TBX10: variants seen among roughly 807,000 people sequenced by gnomAD.
TBX10 encodes the protein T-box transcription factor TBX10.
In TBX10, 26 loss-of-function variants were observed where a neutral mutation model predicts 32.4. The observed-to-expected ratio is 0.80, with a 90% CI of 0.59 to 1.11. The LOEUF is 1.11. Ranked by LOEUF, TBX10 falls within the 50% of genes most tolerant of loss-of-function variation. The pLI is 0.00. For synonymous variants in TBX10, 195 were observed against 203.1 expected, an observed-to-expected ratio of 0.96 and a Z score of 0.34; for missense variants, 490 against 494.5, an observed-to-expected ratio of 0.99 and a Z score of 0.09.
chr11:67,638,664 C>A (rs758668097), intron 1 of TBX10, among the ~76,000 whole-genome samples: 4 of 152,190 alleles, frequency 2.6e-5, no homozygotes, highest in Non-Finnish European at 5.9e-5. Context: ...GCCACGTCCT[C>A]AGCAGCCCTG....
Position 67,639,496 on chromosome 11 carries a change from C to T in TBX10, c.-24G>A. The T allele has an allele frequency of 6.2e-7, 1 of 1,609,792 alleles. No individual in the cohort carries two copies. The highest frequency in any genetic ancestry group is 8.5e-7 in the Non-Finnish European group (1 of 1,177,904). On this transcript the variant is annotated 5_prime_UTR_variant, in exon 1 of 8. Transcript: ENST00000335385. Reference sequence around the variant, plus strand: ...ATGGAGACAGAGAGGCTGTCCGGCTCCTGGAGAAACACTGCTTGGCTGGGG... The same window carrying T: ...ATGGAGACAGAGAGGCTGTCCGGCTTCTGGAGAAACACTGCTTGGCTGGGG...
rs372763899 is a variant in TBX10 at position 67,634,298 on chromosome 11, C to T, written c.440G>A (p.Arg147His). The T allele has an allele frequency of 1.5e-5, 24 of 1,610,992 alleles. No individual in the cohort carries two copies. The highest frequency in any genetic ancestry group is 1.3e-4 in the African/African-American group (10 of 74,942). The change falls in exon 4 of 8, where the codon CGC becomes CAC. Residue 147 changes from arginine (R) to histidine (H), a missense_variant. Coordinates refer to ENST00000335385, the MANE Select transcript of TBX10 (RefSeq NM_005995.5). ...TGGCGAGTCGGGGTGGAAGTGCACG[C>T]GGCCAGGTGTGGCTGGGTCTGCCTT... ...AGKADPATPG[R>H]VHFHPDSPAK...
At chr11:67,640,000 G>A (rs1855383079), upstream of TBX10, among the ~76,000 whole-genome samples, 1 of 152,192 alleles carries the variant, frequency 6.6e-6, no homozygotes, top group Admixed American at 6.5e-5. Flanking sequence ...CTGGGGCCCC[G>A]GGGGTTGGGA....
chr11:67,632,257 T>A, intron 7 of TBX10, 61 bp downstream of exon 7: 1 of 1,593,668 alleles, frequency 6.3e-7, no homozygotes, highest in Non-Finnish European at 8.6e-7. Context: ...GTCCTGTCCC[T>A]TTGCCTTCCG....
intron 3 of TBX10, 110 bp from the exon 4 acceptor site, chr11:67,634,470 G>C: frequency 2.2e-6 from 3 of 1,340,104 alleles, no homozygotes; most frequent in Non-Finnish European, 3.1e-6. Flanking sequence ...ACCCCACCTG[G>C]TGGGCACCTT....
At chr11:67,638,867 C>T (rs1193058721) in intron 1 of TBX10, among the ~76,000 whole-genome samples, 6 of 152,252 alleles carry the variant, frequency 3.9e-5, no homozygotes, top group East Asian at 3.9e-4. Flanking sequence ...GGGGCGGGTA[C>T]GTCATCCAGG....
chr11:67,640,024 C>A (rs146434435), upstream of TBX10, among the ~76,000 whole-genome samples: 434 of 152,276 alleles, frequency 2.9e-3, 2 homozygotes, highest in African/African-American at 9.2e-3. Flanking sequence ...ACAGTGGGAG[C>A]AGCAGATTGC....
chr11:67,636,757 C>G (rs1352534022), intron 1 of TBX10, among the ~76,000 whole-genome samples: 1 of 151,768 alleles, frequency 6.6e-6, no homozygotes, highest in Non-Finnish European at 1.5e-5. Context: ...CTCAGCCTCC[C>G]AAAGTGCTGG....
At chr11:67,639,431 C>G (rs776517930) in intron 1 of TBX10, 35 bp downstream of exon 1, 9 of 1,474,806 alleles carry the variant, frequency 6.1e-6, no homozygotes, top group Non-Finnish European at 5.6e-6. Context: ...TGAGCCTGAC[C>G]CATGAGGCCA....
At chr11:67,633,422 G>T (rs1447412151) in intron 4 of TBX10, among the ~76,000 whole-genome samples, 9 of 151,986 alleles carry the variant, frequency 5.9e-5, no homozygotes, top group Admixed American at 5.2e-4. Flanking sequence ...TTACCCCTCT[G>T]TTCCTTCTCC....
chr11:67,638,026 G>A (rs1428062039), intron 1 of TBX10, among the ~76,000 whole-genome samples: 1 of 152,052 alleles, frequency 6.6e-6, no homozygotes, highest in African/African-American at 2.4e-5. Context: ...TGGCCATCAC[G>A]GCAAACCCTA....
intron 1 of TBX10, 80 bp downstream of exon 1, chr11:67,639,386 T>G: frequency 9.1e-7 from 1 of 1,099,132 alleles, no homozygotes; most frequent in Non-Finnish European, 1.4e-6. Flanking sequence ...AGCGGGGCTG[T>G]CTTGGTTCCC....
In TBX10 at chr11:67,632,613, G is replaced by C. The variant is rs754312781; in HGVS notation, c.763C>G (p.Leu255Val). Residue 255 changes from leucine (L) to valine (V), a missense_variant, in exon 6 of 8, where the codon CTG becomes GTG. Physicochemically the swap from Leu to Val is conservative, Grantham distance 32 (BLOSUM62 1). Around this residue, in one of 3 missense-constraint regions of TBX10, gnomAD observed 177 missense variants for 176.6 expected, o/e 1.00. Transcript: ENST00000335385. ...AGGGTCAGACAGTACCAGGAGTCCA[G>C]GTCACTCTCTCTAAAGCCTTTGGCA... ...PFAKGFRESD[L>V]DSWPVAPRPL... The C allele has an allele frequency of 2.5e-6, 4 of 1,614,062 alleles. No individual in the cohort carries two copies. The South Asian group carries it at 3.3e-5, about 13-fold the overall frequency.
chr11:67,632,042 C>G (rs538022730), intron 7 of TBX10, 148 bp from the exon 8 acceptor site: 1 of 1,240,464 alleles, frequency 8.1e-7, no homozygotes, highest in African/African-American at 1.5e-5. Flanking sequence ...GGAATTTCTT[C>G]TTCACCTTCT....
chr11:67,634,946 A>T, intron 2 of TBX10, 29 bp from the exon 3 acceptor site: 1 of 1,613,054 alleles, frequency 6.2e-7, no homozygotes, highest in Non-Finnish European at 8.5e-7. Flanking sequence ...CAGCAGCCGG[A>T]TGCGGCTCCA....
At chr11:67,641,320 T>C (rs2509713), upstream of TBX10, among the ~76,000 whole-genome samples, 111,479 of 152,138 alleles carry the variant, frequency 0.73, 42,980 homozygotes, top group East Asian at 0.93. Context: ...CTAACCCACA[T>C]GCACGCAGAC....
In TBX10 at chr11:67,633,034, T is replaced by A. The variant is rs1855262447; in HGVS notation, c.619A>T (p.Ser207Cys). Residue 207 changes from serine to cysteine, a missense_variant, in exon 5 of 8, where the codon AGT becomes TGT. Coordinates refer to ENST00000335385, the MANE Select transcript of TBX10 (RefSeq NM_005995.5). The stretch of plus-strand genomic sequence containing the variant: ...AAGTTCTCCTGGGCATAGCGCTCAC[T>A]GTCCTTGCGTGGGTCCACGAAGACC... ...HVVFVDPRKD[S>C]ERYAQENFKS... The A allele has an allele frequency of 6.2e-7, 1 of 1,614,062 alleles. No individual in the cohort carries two copies. The highest frequency in any genetic ancestry group is 1.3e-5 in the African/African-American group (1 of 74,950).
rs749543640 is a variant in TBX10, at chr11:67,634,163, C to T, written c.549+26G>A. 9 of 1,610,372 alleles carry T rather than the reference C, an allele frequency of 5.6e-6. No homozygotes were observed. The Admixed American group carries it at 6.7e-5, about 12-fold the overall frequency. On this transcript the variant is annotated intron_variant, in intron 4 of 7. Coordinates refer to ENST00000335385, the MANE Select transcript of TBX10 (RefSeq NM_005995.5). The stretch of plus-strand genomic sequence containing the variant: ...TACCAGCCCTGACCCCAGGCCCTTC[C>T]GTCCCCACCGTGGCCCCGGCCTCAC...
At chr11:67,632,443 G>T (rs11227869) in intron 6 of TBX10, 31 bp from the exon 7 acceptor site, 187,248 of 1,606,300 alleles carry the variant, frequency 0.12, 13,444 homozygotes, top group African/African-American at 0.34. Flanking sequence ...GGGGGGAGGG[G>T]ATCAAGGGGA....
Sources: gnomAD v4.1 joint callset for allele counts (sites outside exome capture counted in the v4.1 genomes callset) on GRCh38, gnomAD v4.1.1 for gene constraint, gnomAD v4.1.1 regional missense constraint, MANE v1.5 for transcripts, NCBI Gene and HGNC (gene_info 2026-07-23, HGNC 2026-07-21) for gene names.